PITPNC1: variants seen among roughly 807,000 people sequenced by gnomAD.
PITPNC1 encodes cytoplasmic phosphatidylinositol transfer protein 1.
Under a neutral mutation model 44.7 loss-of-function variants are expected in PITPNC1, and 18 were observed. The ratio of observed to expected loss-of-function variants is 0.40; its 90% confidence interval spans 0.28 to 0.60. The LOEUF is 0.60. Among genes scored for constraint, PITPNC1 ranks in the 20% least tolerant of loss-of-function variants. The probability of loss-of-function intolerance (pLI) is 0.39; values close to 1 mark genes in which losing one functional copy is unlikely to be tolerated. For missense variants in PITPNC1, 290 were observed against 418.4 expected (o/e 0.69, Z 2.68); for synonymous variants, 141 against 149.6 (o/e 0.94, Z 0.42).
intron 6 of PITPNC1, among the ~76,000 whole-genome samples, chr17:67,634,142 G>A (rs1306378028): frequency 6.6e-6 from 1 of 152,130 alleles, no homozygotes; most frequent in Non-Finnish European, 1.5e-5. Context: ...TCACTCATGG[G>A]CACGTCCGTA....
chr17:67,546,212 A>C (rs954498619), intron 2 of PITPNC1, among the ~76,000 whole-genome samples: 9 of 150,294 alleles, frequency 6.0e-5, no homozygotes, highest in Admixed American at 5.3e-4. Flanking sequence ...AAAACAAAAC[A>C]GTATATCGTC....
intron 1 of PITPNC1, among the ~76,000 whole-genome samples, chr17:67,492,799 G>A (rs151169636): frequency 4.6e-5 from 7 of 152,180 alleles, no homozygotes; most frequent in Middle Eastern, 3.4e-3. Flanking sequence ...TCCCCTCCAC[G>A]CTTTGTGAGA....
rs1209895759 is a variant in PITPNC1 at position 67,564,039 on chromosome 17, A to T, written c.294+10422A>T. Among the ~76,000 whole-genome samples, 12 of 152,156 alleles carry T rather than the reference A, an allele frequency of 7.9e-5. No homozygotes were observed. In the East Asian group the frequency reaches 1.7e-3, roughly 22 times the overall value. Reference sequence around the variant, plus strand: ...AGATAGATAGATGATAGATATTAATAGATAGATTGATTAGATAGGTAGATT... The same window carrying T: ...AGATAGATAGATGATAGATATTAATTGATAGATTGATTAGATAGGTAGATT... On this transcript the variant is annotated intron_variant, in intron 4 of 8. Coordinates refer to ENST00000581322, the MANE Select transcript of PITPNC1 (RefSeq NM_012417.4).
chr17:67,599,107 C>G (rs1288937415), intron 5 of PITPNC1, among the ~76,000 whole-genome samples: 1 of 143,120 alleles, frequency 7.0e-6, no homozygotes, highest in Admixed American at 7.2e-5. Flanking sequence ...ATCCATCCAC[C>G]TTGGCCTCCC....
intron 1 of PITPNC1, among the ~76,000 whole-genome samples, chr17:67,520,818 G>C (rs982519101): frequency 1.3e-5 from 2 of 152,094 alleles, no homozygotes; most frequent in African/African-American, 4.8e-5. Context: ...TCCCACTAAT[G>C]GCTAATTTGC....
At chr17:67,473,601 C>T (rs558749998) in intron 1 of PITPNC1, among the ~76,000 whole-genome samples, 1 of 152,210 alleles carries the variant, frequency 6.6e-6, no homozygotes, top group East Asian at 1.9e-4. Flanking sequence ...CCGCCCCCGG[C>T]CCTGGTGTGC....
chr17:67,664,488 A>G (rs1279297235), intron 6 of PITPNC1, among the ~76,000 whole-genome samples: 3 of 152,114 alleles, frequency 2.0e-5, no homozygotes, highest in Non-Finnish European at 4.4e-5. Context: ...TGACTTTTTA[A>G]TGATAGCCAT....
intron 1 of PITPNC1, among the ~76,000 whole-genome samples, chr17:67,424,273 A>G (rs552550737): frequency 6.6e-6 from 1 of 152,204 alleles, no homozygotes; most frequent in African/African-American, 2.4e-5. Flanking sequence ...AAGAGGAAGA[A>G]TGGCATAAGA....
At chr17:67,656,357 G>A (rs2042267732) in intron 6 of PITPNC1, among the ~76,000 whole-genome samples, 1 of 152,150 alleles carries the variant, frequency 6.6e-6, no homozygotes, top group African/African-American at 2.4e-5. Context: ...CTCTGCCTCT[G>A]TCCTCGCACA....
chr17:67,396,014 G>A (rs544978555), intron 1 of PITPNC1, among the ~76,000 whole-genome samples: 6 of 152,286 alleles, frequency 3.9e-5, no homozygotes, highest in Admixed American at 1.3e-4. Context: ...TTTGGATTGC[G>A]TTTGACGGAA....
chr17:67,614,840 C>G (rs1248703201), intron 5 of PITPNC1, among the ~76,000 whole-genome samples: 2 of 151,772 alleles, frequency 1.3e-5, no homozygotes, highest in Admixed American at 6.6e-5. Flanking sequence ...TAGTGGGACC[C>G]CGTCTCTACT....
At chr17:67,647,480 T>TG (rs1334746649) in intron 6 of PITPNC1, among the ~76,000 whole-genome samples, 2 of 138,792 alleles carry the variant, frequency 1.4e-5, no homozygotes, top group East Asian at 2.1e-4. Flanking sequence ...TTTTTTTTTT[T>TG]TTTTTTTTTT....
chr17:67,537,684 G>T (rs1323365479), intron 2 of PITPNC1, among the ~76,000 whole-genome samples: 1 of 151,988 alleles, frequency 6.6e-6, no homozygotes. Flanking sequence ...TTAAAAAATA[G>T]AACTGGTGCT....
At chr17:67,391,082 TGTG>T (rs2038131929) in intron 1 of PITPNC1, among the ~76,000 whole-genome samples, 1 of 151,988 alleles carries the variant, frequency 6.6e-6, no homozygotes, top group Non-Finnish European at 1.5e-5. Flanking sequence ...TGTGTGTGTG[TGTG>T]TTTAATCTTT....
intron 1 of PITPNC1, among the ~76,000 whole-genome samples, chr17:67,462,937 GTTGATCC>G (rs1380277980): frequency 4.6e-5 from 7 of 152,266 alleles, no homozygotes; most frequent in Admixed American, 2.0e-4. Flanking sequence ...CCCGACGTCA[GTTGATCC>G]ACCCACTTCA....
intron 8 of PITPNC1, among the ~76,000 whole-genome samples, chr17:67,687,531 C>T (rs1439916686): frequency 1.3e-5 from 2 of 152,202 alleles, no homozygotes; most frequent in African/African-American, 4.8e-5. Context: ...ATGTCAGTAA[C>T]TTTTAAAAAC....
At chr17:67,467,296 C>A in intron 1 of PITPNC1, among the ~76,000 whole-genome samples, 1 of 152,050 alleles carries the variant, frequency 6.6e-6, no homozygotes, top group Non-Finnish European at 1.5e-5. Flanking sequence ...TCAGGTGATC[C>A]ACCCGCCTCA....
intron 1 of PITPNC1, among the ~76,000 whole-genome samples, chr17:67,444,436 G>T (rs983524411): frequency 2.6e-5 from 4 of 152,194 alleles, no homozygotes; most frequent in South Asian, 2.1e-4. Context: ...GTGGCGGAGG[G>T]GGGTGAGCAG....
At chr17:67,539,647 G>T (rs1249314993) in intron 2 of PITPNC1, among the ~76,000 whole-genome samples, 1 of 152,146 alleles carries the variant, frequency 6.6e-6, no homozygotes, top group Non-Finnish European at 1.5e-5. Context: ...GACCATCCTG[G>T]CTAACACGGT....
Sources: gnomAD v4.1 joint callset for allele counts (sites outside exome capture counted in the v4.1 genomes callset) on GRCh38, gnomAD v4.1.1 for gene constraint, MANE v1.5 for transcripts, NCBI Gene and HGNC (gene_info 2026-07-23, HGNC 2026-07-21) for gene names.